EXT1: variants seen among roughly 807,000 people sequenced by gnomAD.
EXT1 encodes exostosin glycosyltransferase 1.
In EXT1, 20 loss-of-function variants were observed where a neutral mutation model predicts 82.5. That is an observed-to-expected ratio of 0.24 (90% CI 0.17 to 0.35). EXT1 has a LOEUF of 0.35. Among genes scored for constraint, EXT1 ranks in the 10% least tolerant of loss-of-function variants. EXT1 has a pLI of 1.00. For missense variants in EXT1, 757 were observed against 936.5 expected (o/e 0.81, Z 2.50); for synonymous variants, 348 against 350.8 (o/e 0.99, Z 0.09).
chr8:117,826,827 C>A (rs1812015367), intron 4 of EXT1, among the ~76,000 whole-genome samples: 1 of 151,942 alleles, frequency 6.6e-6, no homozygotes, highest in Non-Finnish European at 1.5e-5. Context: ...AATAATAATA[C>A]ATGGTTTAAA....
intron 1 of EXT1, among the ~76,000 whole-genome samples, chr8:117,984,130 G>T (rs1418711719): frequency 6.6e-6 from 1 of 152,174 alleles, no homozygotes; most frequent in Non-Finnish European, 1.5e-5. Context: ...CTAGAGATGT[G>T]GCAACTGGCC....
intron 1 of EXT1, among the ~76,000 whole-genome samples, chr8:118,093,152 G>A (rs1563653670): frequency 6.6e-6 from 1 of 151,180 alleles, no homozygotes; most frequent in Non-Finnish European, 1.5e-5. Flanking sequence ...AGAAAACTTT[G>A]GGAAAAGAAA....
At chr8:118,064,852 A>ATTT (rs35880608) in intron 1 of EXT1, among the ~76,000 whole-genome samples, 8 of 123,052 alleles carry the variant, frequency 6.5e-5, no homozygotes, top group Non-Finnish European at 1.0e-4. Flanking sequence ...TGTTTCCTGA[A>ATTT]TTTTTTTTTT....
At chr8:117,899,106 T>C (rs537369428) in intron 1 of EXT1, among the ~76,000 whole-genome samples, 2 of 152,358 alleles carry the variant, frequency 1.3e-5, no homozygotes, top group South Asian at 2.1e-4. Flanking sequence ...ATTTATTCTA[T>C]ACTGATAAGC....
intron 1 of EXT1, among the ~76,000 whole-genome samples, chr8:117,954,237 G>A (rs186283054): frequency 1.9e-4 from 29 of 152,310 alleles, no homozygotes; most frequent in Non-Finnish European, 4.0e-4. Flanking sequence ...GCTATCCAGG[G>A]TACTGCTATT....
intron 1 of EXT1, among the ~76,000 whole-genome samples, chr8:118,103,984 G>GGGAGA (rs1284768104): frequency 6.6e-6 from 1 of 152,210 alleles, no homozygotes; most frequent in Non-Finnish European, 1.5e-5. Flanking sequence ...ATATGTAACA[G>GGGAGA]GGAGAAACTC....
intron 1 of EXT1, among the ~76,000 whole-genome samples, chr8:117,899,897 T>C (rs1331349698): frequency 6.6e-6 from 1 of 152,004 alleles, no homozygotes; most frequent in Non-Finnish European, 1.5e-5. Flanking sequence ...CTCATAAGAG[T>C]GGATCTAAAC....
At chr8:117,869,782 A>T (rs1219810611) in intron 1 of EXT1, among the ~76,000 whole-genome samples, 1 of 152,170 alleles carries the variant, frequency 6.6e-6, no homozygotes, top group Non-Finnish European at 1.5e-5. Flanking sequence ...AGCCATAAAC[A>T]TTCATTTTCC....
chr8:117,978,443 G>C (rs1815113998), intron 1 of EXT1, among the ~76,000 whole-genome samples: 1 of 152,030 alleles, frequency 6.6e-6, no homozygotes, highest in South Asian at 2.1e-4. Flanking sequence ...TTGGAATCCA[G>C]AGGTCACATT....
intron 1 of EXT1, among the ~76,000 whole-genome samples, chr8:117,860,241 G>T (rs574973556): frequency 6.6e-6 from 1 of 150,578 alleles, no homozygotes; most frequent in South Asian, 2.1e-4. Context: ...TAAGTGAAAT[G>T]ACTCAGAAAG....
intron 1 of EXT1, among the ~76,000 whole-genome samples, chr8:117,885,896 A>T (rs1030216597): frequency 3.3e-5 from 5 of 152,320 alleles, no homozygotes; most frequent in Middle Eastern, 3.4e-3. Flanking sequence ...TCCAGTGGAC[A>T]TTGGCCCTTT....
intron 1 of EXT1, among the ~76,000 whole-genome samples, chr8:118,066,332 C>CTTTA (rs71307424): frequency 0.22 from 31,640 of 143,780 alleles, 3,994 homozygotes; most frequent in East Asian, 0.5. Flanking sequence ...TTTTCTCTAG[C>CTTTA]TTTATTTATT....
intron 1 of EXT1, among the ~76,000 whole-genome samples, chr8:118,008,256 C>CTTTTTT (rs527887350): frequency 3.3e-5 from 5 of 151,454 alleles, no homozygotes; most frequent in African/African-American, 4.9e-5. Context: ...GCATATTATA[C>CTTTTTT]TTTTTTTTGT....
At position 117,794,928 on chromosome 8, in the gene EXT1, CA is replaced by C. The variant is rs1823069831; in HGVS notation, c.*4783del. ...ACATATCCTATACATATTGTTCTCT[CA>C]AAATAAGTACACAAGGTTCATTACA... On this transcript the variant is annotated 3_prime_UTR_variant, in exon 11 of 11. Coordinates refer to ENST00000378204, the MANE Select transcript of EXT1 (RefSeq NM_000127.3). 6.6e-6 allele frequency: 1 copy of C among 152,170 alleles called. No individual in the cohort carries two copies. The allele number at this position is 152,170 out of a possible 1,614,324, so 9.4% of individuals were successfully genotyped here.
intron 1 of EXT1, among the ~76,000 whole-genome samples, chr8:117,975,872 C>T (rs750857481): frequency 6.6e-6 from 1 of 152,160 alleles, no homozygotes; most frequent in South Asian, 2.1e-4. Flanking sequence ...TCAATGTCAA[C>T]CCAGGAGTAA....
chr8:118,077,018 C>G (rs965957453), intron 1 of EXT1, among the ~76,000 whole-genome samples: 1 of 152,048 alleles, frequency 6.6e-6, no homozygotes, highest in Non-Finnish European at 1.5e-5. Context: ...AGAAACAACA[C>G]ACAGAAAAGT....
At chr8:117,881,502 G>A (rs895050620) in intron 1 of EXT1, among the ~76,000 whole-genome samples, 2 of 152,190 alleles carry the variant, frequency 1.3e-5, no homozygotes, top group African/African-American at 4.8e-5. Context: ...CTCATGGGCT[G>A]GTGAGAGGTG....
At chr8:117,920,293 G>A (rs535241538) in intron 1 of EXT1, among the ~76,000 whole-genome samples, 18 of 150,242 alleles carry the variant, frequency 1.2e-4, no homozygotes, top group African/African-American at 2.7e-4. Context: ...TAGTAGAGAC[G>A]GGGTTTCACC....
At chr8:117,883,389 T>C (rs1387796891) in intron 1 of EXT1, among the ~76,000 whole-genome samples, 1 of 152,204 alleles carries the variant, frequency 6.6e-6, no homozygotes, top group African/African-American at 2.4e-5. Flanking sequence ...ATTCTTGAGA[T>C]TACAACTTAT....
Sources: allele counts gnomAD v4.1 joint callset (sites outside exome capture counted in the v4.1 genomes callset), GRCh38; gene constraint gnomAD v4.1.1; transcripts MANE v1.5; gene names NCBI Gene and HGNC (gene_info 2026-07-23, HGNC 2026-07-21).